Variants in CENPP observed in about 807,000 individuals in gnomAD.
CENPP encodes centromere protein P.
In CENPP, 24 loss-of-function variants were observed where a neutral mutation model predicts 35.6. The ratio of observed to expected loss-of-function variants is 0.67; its 90% confidence interval spans 0.49 to 0.95. CENPP has a LOEUF of 0.95. Ranked by LOEUF, CENPP falls within the 40% of genes least tolerant of loss-of-function variation. The probability of loss-of-function intolerance (pLI) is 0.00; values close to 1 mark genes in which losing one functional copy is unlikely to be tolerated. For synonymous variants in CENPP, 120 were observed against 125.5 expected (o/e 0.96, Z 0.29); for missense variants, 332 against 345.3 (o/e 0.96, Z 0.31).
intron 5 of CENPP, among the ~76,000 whole-genome samples, chr9:92,452,865 A>G (rs999294891): frequency 6.6e-6 from 1 of 152,102 alleles, no homozygotes; most frequent in African/African-American, 2.4e-5. Flanking sequence ...CATTTCTTCT[A>G]GATTTTCTAG....
At chr9:92,356,713 G>A (rs1841597574) in intron 4 of CENPP, among the ~76,000 whole-genome samples, 1 of 152,052 alleles carries the variant, frequency 6.6e-6, no homozygotes, top group African/African-American at 2.4e-5. Flanking sequence ...AGTATTGTTT[G>A]GGAACTGATA....
chr9:92,329,609 A>C (rs1840677720), intron 1 of CENPP, among the ~76,000 whole-genome samples: 1 of 151,972 alleles, frequency 6.6e-6, no homozygotes, highest in South Asian at 2.1e-4. Flanking sequence ...ATTATGACTC[A>C]CTGCAACCTT....
chr9:92,566,915 C>T (rs1323804937), intron 5 of CENPP, among the ~76,000 whole-genome samples: 1 of 152,134 alleles, frequency 6.6e-6, no homozygotes, highest in African/African-American at 2.4e-5. Context: ...TACACCTGTG[C>T]AAAACAGAGA....
chr9:92,493,889 CA>C (rs1846238928), intron 5 of CENPP: 1 of 405,400 alleles, frequency 2.5e-6, no homozygotes, highest in Non-Finnish European at 4.4e-6. Flanking sequence ...TGAGAAGCGA[CA>C]TACACAGCAA....
In CENPP at chr9:92,619,009, G is replaced by A; in HGVS notation, c.*5860G>A. On this transcript the variant is annotated 3_prime_UTR_variant, in exon 8 of 8. Coordinates refer to ENST00000375587, the MANE Select transcript of CENPP (RefSeq NM_001012267.3). Reference sequence around the variant, plus strand: ...ACTAGTGACATTAGGGAGAGGGGCGGCACATAGGCTGGTTATTCAGAAGAG... The same window carrying A: ...ACTAGTGACATTAGGGAGAGGGGCGACACATAGGCTGGTTATTCAGAAGAG... The A allele has an allele frequency of 4.2e-6, 1 of 240,596 alleles. No homozygotes were observed. The highest frequency in any genetic ancestry group is 8.2e-6 in the Non-Finnish European group (1 of 121,500). The allele number at this position is 240,596 out of a possible 1,614,324, so 14.9% of individuals were successfully genotyped here.
chr9:92,502,555 A>G, intron 5 of CENPP: 1 of 1,612,726 alleles, frequency 6.2e-7, no homozygotes, highest in Non-Finnish European at 8.5e-7. Context: ...ATTTTCTTCA[A>G]TTTTGTTATA....
intron 5 of CENPP, among the ~76,000 whole-genome samples, chr9:92,599,378 A>C (rs1850854846): frequency 6.6e-6 from 1 of 151,874 alleles, no homozygotes; most frequent in Admixed American, 6.6e-5. Flanking sequence ...TACGGGAGGG[A>C]TTGTGTGGTC....
chr9:92,360,855 C>T (rs768813429), intron 4 of CENPP, among the ~76,000 whole-genome samples: 11 of 151,746 alleles, frequency 7.2e-5, no homozygotes, highest in Non-Finnish European at 1.6e-4. Flanking sequence ...CAGGCGCCCA[C>T]CACCACACCC....
At chr9:92,596,800 A>G (rs1056820684) in intron 5 of CENPP, among the ~76,000 whole-genome samples, 11 of 151,054 alleles carry the variant, frequency 7.3e-5, no homozygotes, top group African/African-American at 2.2e-4. Context: ...CTTTTTTTTT[A>G]TAACCTTCCT....
intron 5 of CENPP, chr9:92,517,254 T>A (rs866616674): frequency 1.9e-5 from 4 of 206,724 alleles, no homozygotes; most frequent in African/African-American, 9.4e-5. Context: ...GGGTTGGGGC[T>A]TTGTTCTCTT....
chr9:92,536,353 T>A (rs1365564587), intron 5 of CENPP, among the ~76,000 whole-genome samples: 2 of 152,286 alleles, frequency 1.3e-5, no homozygotes, highest in Admixed American at 1.3e-4. Context: ...ATGATGTCAC[T>A]TGAGCTTTAT....
chr9:92,531,435 A>G (rs1848743580), intron 5 of CENPP, among the ~76,000 whole-genome samples: 1 of 152,134 alleles, frequency 6.6e-6, no homozygotes, highest in East Asian at 1.9e-4. Flanking sequence ...TTTTAATTAT[A>G]TATGTATTTT....
intron 5 of CENPP, among the ~76,000 whole-genome samples, chr9:92,588,886 A>G (rs1850604928): frequency 6.6e-6 from 1 of 152,168 alleles, no homozygotes; most frequent in Admixed American, 6.5e-5. Context: ...AGAGTTAGTA[A>G]ATCCCTAGTC....
chr9:92,570,213 T>C (rs1383802479), intron 5 of CENPP, among the ~76,000 whole-genome samples: 7 of 152,102 alleles, frequency 4.6e-5, no homozygotes, highest in Non-Finnish European at 1.0e-4. Context: ...TGGCTGTGGG[T>C]TTGTCATAGA....
intron 5 of CENPP, among the ~76,000 whole-genome samples, chr9:92,551,947 A>ATATATG (rs969453381): frequency 1.6e-5 from 2 of 126,226 alleles, no homozygotes; most frequent in African/African-American, 7.3e-5. Flanking sequence ...ATATATATAT[A>ATATATG]TATATGATAT....
intron 5 of CENPP, among the ~76,000 whole-genome samples, chr9:92,536,386 C>T (rs932614805): frequency 6.6e-6 from 1 of 152,094 alleles, no homozygotes; most frequent in South Asian, 2.1e-4. Context: ...ATGATATTCT[C>T]GTCAGCTAAA....
chr9:92,379,081 C>T (rs192954557), intron 4 of CENPP, among the ~76,000 whole-genome samples: 14 of 152,304 alleles, frequency 9.2e-5, no homozygotes, highest in Admixed American at 5.9e-4. Flanking sequence ...GCTCACAGAA[C>T]GTACTGAAAA....
intron 5 of CENPP, among the ~76,000 whole-genome samples, chr9:92,498,119 C>T (rs1223488871): frequency 6.6e-6 from 1 of 152,036 alleles, no homozygotes; most frequent in Non-Finnish European, 1.5e-5. Context: ...CAGAATTGGA[C>T]TAAGACATAT....
At chr9:92,381,932 G>T in intron 5 of CENPP, among the ~76,000 whole-genome samples, 1 of 148,568 alleles carries the variant, frequency 6.7e-6, no homozygotes. Context: ...CCAACCTAAT[G>T]GGTAGGAAGT....
Sources: allele counts gnomAD v4.1 joint callset (sites outside exome capture counted in the v4.1 genomes callset), GRCh38; gene constraint gnomAD v4.1.1; transcripts MANE v1.5; gene names NCBI Gene and HGNC (gene_info 2026-07-23, HGNC 2026-07-21).